DLG1: variants seen among roughly 807,000 people sequenced by gnomAD.
The protein encoded by DLG1 is discs large MAGUK scaffold protein 1.
In DLG1, 42 loss-of-function variants were observed where a neutral mutation model predicts 123.4. The observed-to-expected ratio is 0.34, with a 90% CI of 0.27 to 0.44. The LOEUF (loss-of-function observed/expected upper bound fraction) is 0.44. Ranked by LOEUF, DLG1 falls within the 20% of genes least tolerant of loss-of-function variation. DLG1 has a pLI of 1.00. For synonymous variants in DLG1, 317 were observed against 356.2 expected, an observed-to-expected ratio of 0.89 and a Z score of 1.24; for missense variants, 942 against 1,082.6, an observed-to-expected ratio of 0.87 and a Z score of 1.82.
chr3:197,211,154 G>C (rs1731063235), intron 4 of DLG1, among the ~76,000 whole-genome samples: 1 of 146,158 alleles, frequency 6.8e-6, no homozygotes, highest in Non-Finnish European at 1.5e-5. Context: ...TAAAAATCCA[G>C]AGGAACGATC....
At chr3:197,149,385 A>C (rs1792782495) in intron 6 of DLG1, among the ~76,000 whole-genome samples, 1 of 152,234 alleles carries the variant, frequency 6.6e-6, no homozygotes, top group South Asian at 2.1e-4. Context: ...TGCACAAAAA[A>C]AACCTGGTTA....
chr3:197,188,439 T>A (rs1387215799), intron 5 of DLG1, among the ~76,000 whole-genome samples: 1 of 152,218 alleles, frequency 6.6e-6, no homozygotes, highest in Non-Finnish European at 1.5e-5. Flanking sequence ...CTAGCACAGA[T>A]GTTTAATAAC....
At chr3:197,136,011 C>T (rs1560948596) in intron 10 of DLG1, among the ~76,000 whole-genome samples, 1 of 151,926 alleles carries the variant, frequency 6.6e-6, no homozygotes, top group Non-Finnish European at 1.5e-5. Flanking sequence ...AGGGTTTTGC[C>T]ATGCTGCCCA....
chr3:197,086,078 A>G (rs920478768), intron 15 of DLG1, among the ~76,000 whole-genome samples: 5 of 152,112 alleles, frequency 3.3e-5, no homozygotes, highest in African/African-American at 9.7e-5. Context: ...TTAATAAACA[A>G]AAAGTATTAA....
At chr3:197,085,209 C>T (rs1276342582) in intron 16 of DLG1, 1 of 183,468 alleles carries the variant, frequency 5.5e-6, no homozygotes, top group East Asian at 1.6e-4. Flanking sequence ...CACCTGGTTG[C>T]CTTTTTTTGG....
intron 4 of DLG1, among the ~76,000 whole-genome samples, chr3:197,255,629 A>C (rs1756483633): frequency 6.6e-6 from 1 of 152,208 alleles, no homozygotes. Flanking sequence ...AATTCCCACC[A>C]TGGAATATTA....
chr3:197,297,843 C>G (rs1197229346), intron 1 of DLG1: 4 of 985,194 alleles, frequency 4.1e-6, no homozygotes, highest in Non-Finnish European at 4.8e-6. Context: ...GGGTGCGCCC[C>G]GGCCAGACTC....
At chr3:197,213,373 G>A (rs1170293699) in intron 4 of DLG1, among the ~76,000 whole-genome samples, 1 of 152,108 alleles carries the variant, frequency 6.6e-6, no homozygotes, top group Non-Finnish European at 1.5e-5. Context: ...AATTTATCGT[G>A]AGAAAGGCAG....
intron 13 of DLG1, among the ~76,000 whole-genome samples, chr3:197,108,595 A>ATTG (rs1767938633): frequency 2.5e-5 from 2 of 79,270 alleles, no homozygotes; most frequent in African/African-American, 9.3e-5. Context: ...ATGACTACAT[A>ATTG]ATGATATACT....
chr3:197,263,022 CA>C (rs770756154), intron 4 of DLG1, among the ~76,000 whole-genome samples: 75 of 150,688 alleles, frequency 5.0e-4, no homozygotes, highest in South Asian at 1.5e-3. Flanking sequence ...GAGTAAAGCT[CA>C]TATAAGGCTC....
intron 4 of DLG1, among the ~76,000 whole-genome samples, chr3:197,221,044 TAAG>T (rs957481898): frequency 1.3e-5 from 2 of 152,226 alleles, no homozygotes; most frequent in African/African-American, 4.8e-5. Context: ...TATTCTTAAA[TAAG>T]AATATCTTAA....
At chr3:197,110,049 T>C (rs1011317508) in intron 13 of DLG1, among the ~76,000 whole-genome samples, 1 of 152,230 alleles carries the variant, frequency 6.6e-6, no homozygotes, top group Non-Finnish European at 1.5e-5. Context: ...TAGAAGTTTT[T>C]GGGCGAGTAT....
intron 15 of DLG1, among the ~76,000 whole-genome samples, chr3:197,088,429 G>A (rs1449818392): frequency 6.6e-6 from 1 of 152,102 alleles, no homozygotes; most frequent in Non-Finnish European, 1.5e-5. Flanking sequence ...TTCTCTACTG[G>A]GGAGAAGGCA....
rs1226115695 is a variant in DLG1, at chr3:197,136,539, T to C, written c.1020+3A>G. ...TAAAAGACAATAGATTTCTTATACT[T>C]ACTGCTAAAAGTTTATCTCCAATCT... On this transcript the variant is annotated splice_donor_region_variant and intron_variant, in intron 10 of 24. Coordinates refer to ENST00000667157, the MANE Select transcript of DLG1 (RefSeq NM_001366207.1). The C allele has an allele frequency of 3.1e-6, 5 of 1,604,130 alleles. No homozygotes were observed. The Admixed American group carries it at 6.9e-5, about 22-fold the overall frequency.
chr3:197,110,108 T>C (rs1769007207), intron 13 of DLG1, among the ~76,000 whole-genome samples: 1 of 152,202 alleles, frequency 6.6e-6, no homozygotes, highest in African/African-American at 2.4e-5. Flanking sequence ...ATCTTTCACA[T>C]ACTCCCATTA....
At chr3:197,095,705 A>G (rs1248513231) in intron 14 of DLG1, among the ~76,000 whole-genome samples, 1 of 152,202 alleles carries the variant, frequency 6.6e-6, no homozygotes, top group African/African-American at 2.4e-5. Flanking sequence ...CAAATAAATT[A>G]CTGAAACTGT....
At chr3:197,189,905 G>A (rs1032361324) in intron 5 of DLG1, among the ~76,000 whole-genome samples, 1 of 152,132 alleles carries the variant, frequency 6.6e-6, no homozygotes, top group Non-Finnish European at 1.5e-5. Context: ...TGGTAAATGT[G>A]GAAAAGGTAA....
At chr3:197,161,828 AG>A in intron 5 of DLG1, 1 of 771,978 alleles carries the variant, frequency 1.3e-6, no homozygotes, top group African/African-American at 1.8e-5. Context: ...GATAAATTAT[AG>A]TTTTCAGAAA....
intron 3 of DLG1, among the ~76,000 whole-genome samples, chr3:197,293,456 A>G (rs1334614159): frequency 6.6e-6 from 1 of 152,196 alleles, no homozygotes; most frequent in East Asian, 1.9e-4. Flanking sequence ...GTGTCAGAAC[A>G]CAGAAACACT....
Sources: allele counts gnomAD v4.1 joint callset (sites outside exome capture counted in the v4.1 genomes callset), GRCh38; gene constraint gnomAD v4.1.1; transcripts MANE v1.5; gene names NCBI Gene and HGNC (gene_info 2026-07-23, HGNC 2026-07-21).